The following PCDH11X variants were observed in gnomAD, a reference collection of about 807,000 sequenced individuals.
The protein encoded by PCDH11X is protocadherin 11 X-linked, also known as protocadherin-11 X-linked.
A neutral mutation model predicts 53.3 loss-of-function variants in PCDH11X; 18 were observed. The ratio of observed to expected loss-of-function variants is 0.34; its 90% confidence interval spans 0.23 to 0.50. The LOEUF (loss-of-function observed/expected upper bound fraction) is 0.50, where lower values mean the gene tolerates loss of function less well. Among genes scored for constraint, PCDH11X ranks in the 20% least tolerant of loss-of-function variants. The pLI, the probability that PCDH11X is intolerant of heterozygous loss-of-function variation, is 0.98. For synonymous variants in PCDH11X, 279 were observed against 393.3 expected (o/e 0.71, Z 3.44); for missense variants, 570 against 1,032.4 (o/e 0.55, Z 6.14).
intron 6 of PCDH11X, among the ~76,000 whole-genome samples, chrX:92,162,191 A>ATT (rs36065112): frequency 1.2e-5 from 1 of 85,589 alleles, no homozygotes. Flanking sequence ...TGCTGTTTAG[A>ATT]TTTTTTTTTT....
chrX:92,492,857 A>T (rs1379767387), intron 10 of PCDH11X, among the ~76,000 whole-genome samples: 2 of 110,312 alleles, frequency 1.8e-5, no homozygotes, highest in Non-Finnish European at 3.8e-5. Context: ...GTTCCTTATG[A>T]TAATCTCTTC....
intron 5 of PCDH11X, among the ~76,000 whole-genome samples, chrX:91,841,208 A>G (rs1937511732): frequency 9.0e-6 from 1 of 111,707 alleles, no homozygotes; most frequent in African/African-American, 3.2e-5. Flanking sequence ...AGAGTGTGAC[A>G]CTAATAGGAT....
At chrX:92,519,325 A>T in intron 10 of PCDH11X, among the ~76,000 whole-genome samples, 1 of 107,269 alleles carries the variant, frequency 9.3e-6, no homozygotes, top group East Asian at 3.0e-4. Context: ...ACTAGCAAAT[A>T]GACTTCTTTA....
chrX:92,568,865 A>G (rs1191389853), intron 10 of PCDH11X, among the ~76,000 whole-genome samples: 1 of 111,105 alleles, frequency 9.0e-6, no homozygotes, highest in Non-Finnish European at 1.9e-5. Context: ...CATTGTTATC[A>G]ATTTCTAAAT....
At position 91,884,230 on chromosome X, in the gene PCDH11X, G is replaced by C. The variant is rs185403836; in HGVS notation, c.3033+4957G>C. 2.8e-3 allele frequency among the ~76,000 whole-genome samples: 260 copies of C among 93,226 alleles called. 2 individuals carry two copies. The highest frequency in any genetic ancestry group is 1.0e-2 in the African/African-American group (248 of 24,808). 81.0% of individuals were successfully genotyped at this position (93,226 alleles called of 115,157 possible). The stretch of plus-strand genomic sequence containing the variant: ...AAAAAAAAGAAAAAAAGTTATTTTT[G>C]TTGTAATAATGTTTTCTTTTTCTAT... On this transcript the variant is annotated intron_variant, in intron 6 of 10. Coordinates refer to ENST00000682573, the MANE Select transcript of PCDH11X (RefSeq NM_032968.5).
At chrX:92,001,265 G>C (rs1474717266) in intron 6 of PCDH11X, among the ~76,000 whole-genome samples, 1 of 110,995 alleles carries the variant, frequency 9.0e-6, no homozygotes, top group African/African-American at 3.3e-5. Context: ...TTGGATATAA[G>C]CTATTTTAAC....
At chrX:92,127,795 A>G (rs1399175105) in intron 6 of PCDH11X, among the ~76,000 whole-genome samples, 1 of 111,025 alleles carries the variant, frequency 9.0e-6, no homozygotes, top group Non-Finnish European at 1.9e-5. Flanking sequence ...TGCTGTGATT[A>G]CAGGCATAAG....
intron 8 of PCDH11X, among the ~76,000 whole-genome samples, chrX:92,356,910 C>T (rs1479705730): frequency 5.4e-5 from 6 of 110,675 alleles, no homozygotes; most frequent in African/African-American, 2.0e-4. Flanking sequence ...ATTTAGGGAC[C>T]ATAATGAAGA....
At chrX:91,977,729 C>T (rs2062065216) in intron 6 of PCDH11X, among the ~76,000 whole-genome samples, 1 of 111,423 alleles carries the variant, frequency 9.0e-6, no homozygotes, top group Non-Finnish European at 1.9e-5. Flanking sequence ...ATCTAAAAAA[C>T]TGGCATCTCA....
chrX:92,445,515 T>C (rs1299569152), intron 9 of PCDH11X, among the ~76,000 whole-genome samples: 3 of 106,593 alleles, frequency 2.8e-5, no homozygotes, highest in Non-Finnish European at 5.8e-5. Flanking sequence ...GAATGCATCA[T>C]AAATTATGAG....
At chrX:92,118,258 A>G (rs2064679513) in intron 6 of PCDH11X, among the ~76,000 whole-genome samples, 1 of 109,570 alleles carries the variant, frequency 9.1e-6, no homozygotes, top group Non-Finnish European at 1.9e-5. Context: ...AATAATGTAC[A>G]TTATCTTAAT....
At chrX:91,907,370 AACACACACACACACACACAC>A (rs777259208) in intron 6 of PCDH11X, among the ~76,000 whole-genome samples, 1 of 36,143 alleles carries the variant, frequency 2.8e-5, no homozygotes, top group Non-Finnish European at 4.9e-5. Context: ...CACCACCCTC[AACACACACACACACACACAC>A]ACACACACAC....
intron 10 of PCDH11X, among the ~76,000 whole-genome samples, chrX:92,538,721 ATTGT>A (rs927452268): frequency 3.0e-5 from 3 of 98,496 alleles, no homozygotes; most frequent in Non-Finnish European, 6.1e-5. Flanking sequence ...TTTATGTCTT[ATTGT>A]ACTGTCTATG....
At chrX:92,256,018 C>T (rs753467682) in intron 7 of PCDH11X, among the ~76,000 whole-genome samples, 48 of 112,111 alleles carry the variant, frequency 4.3e-4, no homozygotes, top group South Asian at 7.4e-4. Context: ...CAATGGCGGG[C>T]GCCCCTCCCC....
intron 9 of PCDH11X, among the ~76,000 whole-genome samples, chrX:92,434,192 C>T (rs149782698): frequency 0.057 from 6,207 of 109,619 alleles, 449 homozygotes; most frequent in African/African-American, 0.2. Context: ...TACATTCATG[C>T]CATAGTGTGC....
intron 9 of PCDH11X, among the ~76,000 whole-genome samples, chrX:92,399,711 C>T (rs1482687818): frequency 2.8e-5 from 3 of 108,625 alleles, no homozygotes; most frequent in Non-Finnish European, 5.7e-5. Context: ...TGTGTACATG[C>T]ACACAAAAAT....
intron 6 of PCDH11X, among the ~76,000 whole-genome samples, chrX:92,081,287 A>G (rs2063852492): frequency 9.1e-6 from 1 of 110,354 alleles, no homozygotes; most frequent in Non-Finnish European, 1.9e-5. Flanking sequence ...CAGGGCACAG[A>G]AAACCTAGCT....
intron 10 of PCDH11X, among the ~76,000 whole-genome samples, chrX:92,492,620 A>G (rs2073785824): frequency 9.1e-6 from 1 of 109,484 alleles, no homozygotes; most frequent in Non-Finnish European, 1.9e-5. Flanking sequence ...AGGTAGCAAA[A>G]TTCTCCCCCA....
chrX:92,485,963 G>T (rs1421279087), intron 10 of PCDH11X, among the ~76,000 whole-genome samples: 2 of 110,651 alleles, frequency 1.8e-5, no homozygotes, highest in Non-Finnish European at 3.8e-5. Flanking sequence ...TAGATTATCA[G>T]ATTGAAAAAT....
Sources: gnomAD v4.1 joint callset for allele counts (sites outside exome capture counted in the v4.1 genomes callset) on GRCh38, gnomAD v4.1.1 for gene constraint, MANE v1.5 for transcripts, NCBI Gene and HGNC (gene_info 2026-07-23, HGNC 2026-07-21) for gene names.